HDAC8: variants seen among roughly 807,000 people sequenced by gnomAD.
HDAC8 encodes the protein histone deacetylase 8.
HDAC8 carries 1 observed loss-of-function variant against 32.2 expected under a neutral mutation model. The ratio of observed to expected loss-of-function variants is 0.03; its 90% CI spans 0.01 to 0.15. HDAC8 has a LOEUF of 0.15. Ranked by LOEUF, HDAC8 falls within the 10% of genes least tolerant of loss-of-function variation. The pLI is 1.00. For synonymous variants in HDAC8, 108 were observed against 113.9 expected (o/e 0.95, Z 0.33); for missense variants, 117 against 300.0 (o/e 0.39, Z 4.51).
chrX:72,413,254 C>T (rs1897372870), intron 9 of HDAC8, among the ~76,000 whole-genome samples: 1 of 95,330 alleles, frequency 1.0e-5, no homozygotes, highest in Admixed American at 1.1e-4. Flanking sequence ...TCTCCTAACG[C>T]TGTCCCTCCC....
intron 9 of HDAC8, among the ~76,000 whole-genome samples, chrX:72,416,406 C>CTGTT (rs2046335161): frequency 9.5e-4 from 2 of 2,114 alleles, no homozygotes; most frequent in African/African-American, 2.4e-3. Flanking sequence ...TGTGTCTTCT[C>CTGTT]TGTTTTTTTT....
chrX:72,536,782 C>T (rs1476113947), intron 4 of HDAC8, among the ~76,000 whole-genome samples: 4 of 111,793 alleles, frequency 3.6e-5, no homozygotes, highest in Non-Finnish European at 7.5e-5. Context: ...ACACTTGCTT[C>T]CAAAAATATA....
chrX:72,432,805 CTG>C (rs1320109673), intron 9 of HDAC8, among the ~76,000 whole-genome samples: 1 of 111,517 alleles, frequency 9.0e-6, no homozygotes, highest in Non-Finnish European at 1.9e-5. Context: ...CACATCTACA[CTG>C]TTCACCATTG....
chrX:72,525,163 T>C (rs782465447), intron 4 of HDAC8, among the ~76,000 whole-genome samples: 2 of 112,530 alleles, frequency 1.8e-5, no homozygotes, highest in South Asian at 3.7e-4. Flanking sequence ...CCTATATCTA[T>C]CTTTTCATAG....
intron 7 of HDAC8, among the ~76,000 whole-genome samples, chrX:72,475,591 A>G (rs2048310242): frequency 8.9e-6 from 1 of 111,875 alleles, no homozygotes; most frequent in Non-Finnish European, 1.9e-5. Context: ...TGGTTCAGGG[A>G]TGCAGGGATT....
chrX:72,518,807 G>A (rs187392228), intron 4 of HDAC8, among the ~76,000 whole-genome samples: 2 of 111,568 alleles, frequency 1.8e-5, no homozygotes, highest in African/African-American at 6.5e-5. Context: ...CTATAGTTTT[G>A]CCTTTTCCAG....
chrX:72,367,521 T>A lies in HDAC8; in HGVS notation c.1006-15683A>T, dbSNP rs782664002. On this transcript the variant is annotated intron_variant, in intron 9 of 10. Transcript: ENST00000373573. ...CTGAGGCTAGATAAATGAAGGGGGT[T>A]TCATTTTCATTACAAAAACTCTAAC... Among the ~76,000 whole-genome samples, 3 of 112,175 alleles carry A rather than the reference T, an allele frequency of 2.7e-5. No individual in the cohort carries two copies. In the South Asian group the frequency reaches 1.1e-3, roughly 42 times the overall value.
intron 9 of HDAC8, among the ~76,000 whole-genome samples, chrX:72,425,042 C>CT (rs1349645944): frequency 4.5e-5 from 5 of 111,749 alleles, no homozygotes; most frequent in Admixed American, 3.8e-4. Flanking sequence ...CCAGTACCCA[C>CT]TTTTGATTCT....
At chrX:72,512,059 A>G (rs782127570) in intron 4 of HDAC8, among the ~76,000 whole-genome samples, 24 of 112,048 alleles carry the variant, frequency 2.1e-4, no homozygotes, top group Non-Finnish European at 3.4e-4. Context: ...TAGAAAGGGA[A>G]ATTCTATGAA....
intron 10 of HDAC8, among the ~76,000 whole-genome samples, chrX:72,343,175 AT>A (rs1276944752): frequency 5.4e-4 from 55 of 101,543 alleles, no homozygotes; most frequent in Admixed American, 7.5e-4. Flanking sequence ...CTTCACTACC[AT>A]TTTTTTTTTT....
chrX:72,499,850 A>G (rs898352380), intron 4 of HDAC8, among the ~76,000 whole-genome samples: 2 of 111,915 alleles, frequency 1.8e-5, no homozygotes, highest in Non-Finnish European at 3.8e-5. Flanking sequence ...CAAAAGTTAG[A>G]TTTTTGAAAA....
chrX:72,464,033 G>A (rs1224822541), intron 8 of HDAC8, among the ~76,000 whole-genome samples: 1 of 111,828 alleles, frequency 8.9e-6, no homozygotes, highest in South Asian at 3.8e-4. Flanking sequence ...CACACCAAAG[G>A]CAAGAATGCC....
intron 9 of HDAC8, among the ~76,000 whole-genome samples, chrX:72,360,900 G>A (rs1039600098): frequency 8.9e-6 from 1 of 111,857 alleles, no homozygotes; most frequent in Non-Finnish European, 1.9e-5. Context: ...TTACAACACA[G>A]ACAAACAAAA....
At chrX:72,478,087 G>A (rs1556001426) in intron 7 of HDAC8, among the ~76,000 whole-genome samples, 1 of 112,427 alleles carries the variant, frequency 8.9e-6, no homozygotes, top group African/African-American at 3.2e-5. Flanking sequence ...CATCTATCTT[G>A]GCACAAAAAG....
chrX:72,500,778 A>G (rs1347809584), intron 4 of HDAC8, among the ~76,000 whole-genome samples: 1 of 112,046 alleles, frequency 8.9e-6, no homozygotes, highest in Non-Finnish European at 1.9e-5. Context: ...GGTCAGAGCA[A>G]TCAGGTAAGA....
chrX:72,356,444 G>A (rs1273678489), intron 9 of HDAC8, among the ~76,000 whole-genome samples: 1 of 112,232 alleles, frequency 8.9e-6, no homozygotes, highest in African/African-American at 3.2e-5. Flanking sequence ...CTTTATCCCC[G>A]ACTAGAAGGT....
chrX:72,385,368 G>A (rs2045395310), intron 9 of HDAC8, among the ~76,000 whole-genome samples: 1 of 110,177 alleles, frequency 9.1e-6, no homozygotes, highest in African/African-American at 3.3e-5. Context: ...GGAGGCTGAG[G>A]CAAGAGGATA....
chrX:72,407,738 T>C (rs1555969109), intron 9 of HDAC8, among the ~76,000 whole-genome samples: 1 of 112,096 alleles, frequency 8.9e-6, no homozygotes, highest in Non-Finnish European at 1.9e-5. Context: ...ATTTTAGATT[T>C]CTGACCTCCA....
At chrX:72,442,245 A>C (rs1292276048) in intron 9 of HDAC8, among the ~76,000 whole-genome samples, 16 of 111,192 alleles carry the variant, frequency 1.4e-4, no homozygotes, top group Non-Finnish European at 2.8e-4. Context: ...AGATTCACCA[A>C]AGTTGAAATG....
Sources: gnomAD v4.1 joint callset for allele counts (sites outside exome capture counted in the v4.1 genomes callset) on GRCh38, gnomAD v4.1.1 for gene constraint, MANE v1.5 for transcripts, NCBI Gene and HGNC (gene_info 2026-07-23, HGNC 2026-07-21) for gene names.